The following RCBTB2 variants were observed in gnomAD, a reference collection of about 807,000 sequenced individuals.
RCBTB2 encodes RCC1 and BTB domain-containing protein 2.
RCBTB2 carries 55 observed loss-of-function variants against 65.4 expected under a neutral mutation model. That is an observed-to-expected ratio of 0.84 (90% CI 0.68 to 1.05). The LOEUF (loss-of-function observed/expected upper bound fraction) is 1.05. Among genes scored for constraint, RCBTB2 ranks in the 50% least tolerant of loss-of-function variants. The pLI, the probability that RCBTB2 is intolerant of heterozygous loss-of-function variation, is 0.00. For missense variants in RCBTB2, 599 were observed against 680.1 expected (o/e 0.88, Z 1.33); for synonymous variants, 220 against 255.2 (o/e 0.86, Z 1.31).
chr13:48,509,474 G>A (rs1412550556), intron 10 of RCBTB2, among the ~76,000 whole-genome samples: 2 of 152,118 alleles, frequency 1.3e-5, no homozygotes, highest in African/African-American at 4.8e-5. Context: ...CAAAGCCTCA[G>A]GACTGTCCCT....
At chr13:48,516,427 C>T (rs1027195447) in intron 4 of RCBTB2, among the ~76,000 whole-genome samples, 2 of 152,192 alleles carry the variant, frequency 1.3e-5, no homozygotes, top group Non-Finnish European at 2.9e-5. Flanking sequence ...CTCAAGGTAT[C>T]AGCTAGCTAG....
intron 12 of RCBTB2, 55 bp from the exon 13 acceptor site, chr13:48,499,815 C>A (rs1007309037): frequency 4.9e-5 from 78 of 1,603,054 alleles, no homozygotes; most frequent in Non-Finnish European, 6.6e-5. Context: ...GACAGATGGC[C>A]TCTGTGAGGA....
intron 13 of RCBTB2, 54 bp from the exon 14 acceptor site, chr13:48,496,375 AGTTGCTC>A: frequency 6.8e-7 from 1 of 1,472,674 alleles, no homozygotes; most frequent in African/African-American, 1.4e-5. Flanking sequence ...CCTGATTTAC[AGTTGCTC>A]ACTCAGCCAC....
chr13:48,506,236 A>C (rs796489522), intron 10 of RCBTB2, among the ~76,000 whole-genome samples: 1 of 152,228 alleles, frequency 6.6e-6, no homozygotes, highest in Non-Finnish European at 1.5e-5. Context: ...ACGGAGGCCA[A>C]CGCCGGGATC....
intron 1 of RCBTB2, among the ~76,000 whole-genome samples, chr13:48,530,438 A>G (rs141679808): frequency 1.3e-4 from 20 of 152,320 alleles, no homozygotes; most frequent in African/African-American, 4.6e-4. Context: ...TTTACTTTCT[A>G]AAATTATTCC....
At position 48,533,040 on chromosome 13, in the gene RCBTB2, C is replaced by T. The variant is rs370686534; in HGVS notation, c.-231G>A. On this transcript the variant is annotated 5_prime_UTR_variant, in exon 1 of 15. Coordinates refer to ENST00000344532, the MANE Select transcript of RCBTB2 (RefSeq NM_001268.4). ...TCCACCCTCTTACCTCCTCGCAGGCCGGAGCCTTGTCCGCTCCGCCTCCTG... is the reference window on the plus strand; with the variant it reads ...TCCACCCTCTTACCTCCTCGCAGGCTGGAGCCTTGTCCGCTCCGCCTCCTG... 2.2e-6 allele frequency: 1 copy of T among 454,930 alleles called. No individual in the cohort carries two copies. The highest frequency in any genetic ancestry group is 4.4e-6 in the Non-Finnish European group (1 of 226,272). 28.2% of individuals were successfully genotyped at this position (454,930 alleles called of 1,614,324 possible). A position where few individuals can be genotyped will look rare whatever the true frequency, so the allele number is the denominator to read the frequency against.
At chr13:48,520,648 T>C (rs1951368389) in intron 4 of RCBTB2, among the ~76,000 whole-genome samples, 1 of 152,188 alleles carries the variant, frequency 6.6e-6, no homozygotes, top group Non-Finnish European at 1.5e-5. Context: ...GCCACAAAAT[T>C]AGAGACCAAA....
intron 12 of RCBTB2, among the ~76,000 whole-genome samples, chr13:48,501,382 G>A (rs1029809632): frequency 6.6e-6 from 1 of 152,168 alleles, no homozygotes; most frequent in Non-Finnish European, 1.5e-5. Flanking sequence ...ATAAGAAGGT[G>A]ATTATTAAGA....
intron 9 of RCBTB2, 105 bp from the exon 10 acceptor site, chr13:48,510,876 C>T (rs1263860993): frequency 9.2e-6 from 11 of 1,189,298 alleles, no homozygotes; most frequent in African/African-American, 1.5e-5. Flanking sequence ...GAAGAGGCAG[C>T]CTACCCGTAG....
In RCBTB2 at chr13:48,515,157, G is replaced by A. The variant is rs751471830; in HGVS notation, c.349+48C>T. The A allele has an allele frequency of 3.2e-6, 5 of 1,563,416 alleles. No individual in the cohort carries two copies. The East Asian group carries it at 1.1e-4, about 35-fold the overall frequency. The stretch of plus-strand genomic sequence containing the variant: ...TCAACCAATTAAACAATGTTCTCAA[G>A]GGCAGCTGCGAATAAAGCTGAAATT... On this transcript the variant is annotated intron_variant, in intron 6 of 14. Transcript: ENST00000344532.
chr13:48,515,513 TCCC>T (rs939912979), intron 5 of RCBTB2, 70 bp downstream of exon 5: 2 of 1,417,674 alleles, frequency 1.4e-6, no homozygotes, highest in African/African-American at 1.4e-5. Context: ...ATTCCTTAGT[TCCC>T]CCAAGATCTT....
At position 48,512,010 on chromosome 13, in the gene RCBTB2, C is replaced by T; in HGVS notation, c.675+6G>A. The T allele has an allele frequency of 1.2e-6, 2 of 1,612,736 alleles. No homozygotes were observed. The highest frequency in any genetic ancestry group is 1.7e-6 in the Non-Finnish European group (2 of 1,178,848). ...TTTTAAACAAGATGTAAAATAACTT[C>T]CTTACCTCCCCCGTGTCTACTACTG... On this transcript the variant is annotated splice_donor_region_variant and intron_variant, in intron 8 of 14. Coordinates refer to ENST00000344532, the MANE Select transcript of RCBTB2 (RefSeq NM_001268.4).
chr13:48,529,285 T>C (rs537494253), intron 1 of RCBTB2, among the ~76,000 whole-genome samples: 1 of 152,302 alleles, frequency 6.6e-6, no homozygotes, highest in East Asian at 1.9e-4. Flanking sequence ...GCTACAGAGA[T>C]CCTAATTGTT....
At chr13:48,520,340 G>T (rs941395021) in intron 4 of RCBTB2, among the ~76,000 whole-genome samples, 5 of 152,138 alleles carry the variant, frequency 3.3e-5, no homozygotes, top group African/African-American at 4.8e-5. Context: ...GAAACTGGCT[G>T]AGCAAGAGCC....
At chr13:48,493,877 G>A (rs1278045776) in intron 14 of RCBTB2, among the ~76,000 whole-genome samples, 1 of 152,132 alleles carries the variant, frequency 6.6e-6, no homozygotes. Flanking sequence ...ATTTTGGATT[G>A]TTTTGTTCAT....
chr13:48,496,012 G>A (rs141636087), intron 14 of RCBTB2, among the ~76,000 whole-genome samples, 179 bp downstream of exon 14: 120 of 152,066 alleles, frequency 7.9e-4, no homozygotes, highest in Non-Finnish European at 1.4e-3. Flanking sequence ...TGCCTTTGAT[G>A]TCCATCCCAA....
intron 12 of RCBTB2, 90 bp from the exon 13 acceptor site, chr13:48,499,850 C>A: frequency 6.9e-7 from 1 of 1,443,414 alleles, no homozygotes; most frequent in Non-Finnish European, 9.5e-7. Context: ...CGAAGGTGCA[C>A]GCTGGCACGT....
At chr13:48,511,294 T>C (rs1950781727) in intron 9 of RCBTB2, among the ~76,000 whole-genome samples, 1 of 152,210 alleles carries the variant, frequency 6.6e-6, no homozygotes, top group Admixed American at 6.5e-5. Flanking sequence ...TAAAAATTCT[T>C]TGTATACAAT....
intron 10 of RCBTB2, among the ~76,000 whole-genome samples, chr13:48,508,624 A>C (rs1009253278): frequency 1.3e-5 from 2 of 152,218 alleles, no homozygotes; most frequent in African/African-American, 4.8e-5. Flanking sequence ...GGCTGGTCTC[A>C]AACTCCTGAC....
Sources: allele counts gnomAD v4.1 joint callset (sites outside exome capture counted in the v4.1 genomes callset), GRCh38; gene constraint gnomAD v4.1.1; transcripts MANE v1.5; gene names NCBI Gene and HGNC (gene_info 2026-07-23, HGNC 2026-07-21).